GPM6A: variants seen among roughly 807,000 people sequenced by gnomAD.
GPM6A encodes the protein glycoprotein M6A.
A neutral mutation model predicts 32.1 loss-of-function variants in GPM6A; 7 were observed. That is an observed-to-expected ratio of 0.22 (90% CI 0.12 to 0.41). The LOEUF (loss-of-function observed/expected upper bound fraction) is 0.41. Ranked by LOEUF, GPM6A falls within the 10% of genes least tolerant of loss-of-function variation. The probability of loss-of-function intolerance (pLI) is 1.00; values close to 1 mark genes in which losing one functional copy is unlikely to be tolerated. For missense variants in GPM6A, 235 were observed against 347.2 expected (o/e 0.68, Z 2.57); for synonymous variants, 130 against 123.4 (o/e 1.05, Z -0.35).
chr4:175,983,341 T>C (rs1248908063), intron 1 of GPM6A, among the ~76,000 whole-genome samples: 1 of 152,228 alleles, frequency 6.6e-6, no homozygotes, highest in Non-Finnish European at 1.5e-5. Flanking sequence ...CATGCTTCTT[T>C]GGAGCTCTTT....
chr4:175,961,682 A>G (rs1740168733), intron 1 of GPM6A, among the ~76,000 whole-genome samples: 1 of 152,184 alleles, frequency 6.6e-6, no homozygotes, highest in Admixed American at 6.5e-5. Flanking sequence ...AAAATCGCCT[A>G]TAGCTTCCAA....
intron 1 of GPM6A, among the ~76,000 whole-genome samples, chr4:175,780,608 G>A (rs920018973): frequency 3.3e-5 from 5 of 152,082 alleles, no homozygotes; most frequent in African/African-American, 9.7e-5. Context: ...TATAGTTTTC[G>A]CTTAATGATT....
intron 1 of GPM6A, among the ~76,000 whole-genome samples, chr4:175,873,277 G>A (rs906604875): frequency 2.0e-5 from 3 of 151,470 alleles, no homozygotes; most frequent in African/African-American, 7.3e-5. Flanking sequence ...TCTAATTTTA[G>A]GTCTAGAAAA....
At chr4:175,694,620 C>G (rs551825522) in intron 2 of GPM6A, among the ~76,000 whole-genome samples, 1 of 151,714 alleles carries the variant, frequency 6.6e-6, no homozygotes, top group Non-Finnish European at 1.5e-5. Flanking sequence ...ATATTCACAA[C>G]CAAAGAAAGG....
intron 1 of GPM6A, among the ~76,000 whole-genome samples, chr4:175,974,732 G>C (rs77688426): frequency 0.13 from 19,836 of 151,454 alleles, 1,381 homozygotes; most frequent in East Asian, 0.24. Flanking sequence ...CCTCAGGCTG[G>C]AGTGCAGTAG....
At chr4:175,963,101 G>C (rs1449068870) in intron 1 of GPM6A, among the ~76,000 whole-genome samples, 1 of 150,900 alleles carries the variant, frequency 6.6e-6, no homozygotes, top group Non-Finnish European at 1.5e-5. Flanking sequence ...AAAAGTCAAT[G>C]GAAACATCAA....
chr4:175,756,635 G>A (rs1048147166), intron 1 of GPM6A, among the ~76,000 whole-genome samples: 3 of 152,062 alleles, frequency 2.0e-5, no homozygotes, highest in Admixed American at 1.3e-4. Context: ...CGTAAAAGCA[G>A]ACATATCTAA....
chr4:175,917,680 A>G (rs1036121601), intron 1 of GPM6A, among the ~76,000 whole-genome samples: 1 of 152,188 alleles, frequency 6.6e-6, no homozygotes, highest in Non-Finnish European at 1.5e-5. Flanking sequence ...ATAATCCAGG[A>G]TGGACATGTT....
rs185175822 is a variant in GPM6A, at chr4:175,729,481, T to G, written c.38-27714A>C. Among the ~76,000 whole-genome samples the G allele has an allele frequency of 4.6e-5, 7 of 152,154 alleles. No homozygotes were observed. In the East Asian group the frequency reaches 1.4e-3, roughly 29 times the overall value. On this transcript the variant is annotated intron_variant, in intron 1 of 6. Coordinates refer to ENST00000393658, the MANE Select transcript of GPM6A (RefSeq NM_201591.3). ...CTGTCTATTTAAAGTCAGTTTCTCA[T>G]GGATACAAAAAAATAGTTGGAAAAA...
In GPM6A at chr4:175,903,461, T is replaced by A. The variant is rs114313005; in HGVS notation, c.-22-91212A>T. Among the ~76,000 whole-genome samples the A allele has an allele frequency of 5.5e-3, 841 of 152,210 alleles. 13 individuals carry two copies. The highest frequency in any genetic ancestry group is 0.019 in the African/African-American group (807 of 41,532). On this transcript the variant is annotated intron_variant, in intron 1 of 7. Transcript: ENST00000280187. Reference sequence around the variant, plus strand: ...TGATGAGAAAAAAATTTATATATCATCTCAAAGTATCTCCCCACAAACTAC... The same window carrying A: ...TGATGAGAAAAAAATTTATATATCAACTCAAAGTATCTCCCCACAAACTAC...
chr4:175,924,647 C>T (rs1738773392), intron 1 of GPM6A, among the ~76,000 whole-genome samples: 1 of 152,058 alleles, frequency 6.6e-6, no homozygotes, highest in Non-Finnish European at 1.5e-5. Flanking sequence ...CGAGACCAGC[C>T]TGGCCAAAAT....
chr4:175,940,887 G>A (rs10222704), intron 1 of GPM6A, among the ~76,000 whole-genome samples: 6,916 of 152,294 alleles, frequency 0.045, 271 homozygotes, highest in South Asian at 0.19. Context: ...GATTACAGGC[G>A]TGAGCCACTG....
At chr4:175,721,463 G>A (rs548652295) in intron 1 of GPM6A, among the ~76,000 whole-genome samples, 47 of 151,190 alleles carry the variant, frequency 3.1e-4, no homozygotes, top group Non-Finnish European at 5.5e-4. Flanking sequence ...GTGACAGAGC[G>A]AGACTCCGTC....
At chr4:175,672,193 C>T (rs1211599765) in intron 3 of GPM6A, among the ~76,000 whole-genome samples, 1 of 152,170 alleles carries the variant, frequency 6.6e-6, no homozygotes, top group Non-Finnish European at 1.5e-5. Context: ...TGACTGCACT[C>T]GTCCTGGCAG....
intron 1 of GPM6A, among the ~76,000 whole-genome samples, chr4:175,759,210 G>GT (rs1301587487): frequency 4.0e-5 from 6 of 151,804 alleles, no homozygotes. Flanking sequence ...AGCTGTATGG[G>GT]TTTTTCATAA....
At chr4:175,836,678 C>T (rs1041593500) in intron 1 of GPM6A, among the ~76,000 whole-genome samples, 1 of 151,116 alleles carries the variant, frequency 6.6e-6, no homozygotes, top group Admixed American at 6.6e-5. Context: ...GAAAATGCCC[C>T]CAAAACAGCA....
intron 3 of GPM6A, among the ~76,000 whole-genome samples, chr4:175,663,065 G>T (rs926412230): frequency 6.6e-6 from 1 of 151,996 alleles, no homozygotes; most frequent in Non-Finnish European, 1.5e-5. Flanking sequence ...TTTCTAAAGC[G>T]CAAAACTAAT....
At chr4:175,939,989 T>C (rs1202196891) in intron 1 of GPM6A, among the ~76,000 whole-genome samples, 1 of 152,182 alleles carries the variant, frequency 6.6e-6, no homozygotes, top group Non-Finnish European at 1.5e-5. Flanking sequence ...ACATGCCAGT[T>C]AAGGAAGAAA....
chr4:175,742,840 G>A (rs534725620), intron 1 of GPM6A, among the ~76,000 whole-genome samples: 1 of 152,100 alleles, frequency 6.6e-6, no homozygotes, highest in Admixed American at 6.6e-5. Flanking sequence ...TCAAAGACAT[G>A]ATCTCCTTAA....
Sources: gnomAD v4.1 joint callset for allele counts (sites outside exome capture counted in the v4.1 genomes callset) on GRCh38, gnomAD v4.1.1 for gene constraint, MANE v1.5 for transcripts, NCBI Gene and HGNC (gene_info 2026-07-23, HGNC 2026-07-21) for gene names.